KMO: variants seen among roughly 807,000 people sequenced by gnomAD.
The protein encoded by KMO is kynurenine 3-hydroxylase.
Under a neutral mutation model 57.8 loss-of-function variants are expected in KMO, and 24 were observed. The observed-to-expected ratio is 0.42, with a 90% confidence interval of 0.30 to 0.58. The LOEUF (loss-of-function observed/expected upper bound fraction) is 0.58, where lower values mean the gene tolerates loss of function less well. Ranked by LOEUF, KMO falls within the 20% of genes least tolerant of loss-of-function variation. The pLI is 0.22. For synonymous variants in KMO, 210 were observed against 193.6 expected (o/e 1.08, Z -0.70); for missense variants, 483 against 588.2 (o/e 0.82, Z 1.85).
At position 241,590,073 on chromosome 1, in the gene KMO, A is replaced by G; in HGVS notation, c.1160A>G (p.His387Arg). The G allele has an allele frequency of 6.2e-7, 1 of 1,614,070 alleles. No individual in the cohort carries two copies. The highest frequency in any genetic ancestry group is 8.5e-7 in the Non-Finnish European group (1 of 1,179,910). ...CAGAAGAACATGGAGAGATTTCTTCATGCGATTATGCCATCGACCTTTATC... is the reference window on the plus strand; with the variant it reads ...CAGAAGAACATGGAGAGATTTCTTCGTGCGATTATGCCATCGACCTTTATC... ...IFQKNMERFLHAIMPSTFIPL... is the reference protein window; with the variant it reads ...IFQKNMERFLRAIMPSTFIPL... The change falls in exon 13 of 15, where the codon CAT becomes CGT. Residue 387 changes from histidine to arginine, a missense_variant. By Grantham distance (29) the His-to-Arg change is conservative. Transcript: ENST00000366559.
At chr1:241,533,912 G>A (rs903086736) in intron 1 of KMO, among the ~76,000 whole-genome samples, 5 of 152,196 alleles carry the variant, frequency 3.3e-5, no homozygotes, top group African/African-American at 1.2e-4. Context: ...TCTTGAGAAA[G>A]AGCATTTCAG....
At chr1:241,580,685 G>A (rs889651982) in intron 10 of KMO, among the ~76,000 whole-genome samples, 2 of 151,820 alleles carry the variant, frequency 1.3e-5, no homozygotes, top group African/African-American at 4.8e-5. Context: ...TTTATTTCTA[G>A]TTTCATCTCA....
chr1:241,560,163 T>C (rs1477031767), intron 5 of KMO, among the ~76,000 whole-genome samples: 1 of 152,184 alleles, frequency 6.6e-6, no homozygotes, highest in Non-Finnish European at 1.5e-5. Flanking sequence ...TTACTCATTT[T>C]CCCCCTAACT....
chr1:241,545,925 AAAG>A (rs1362577776), intron 1 of KMO, among the ~76,000 whole-genome samples: 1 of 152,220 alleles, frequency 6.6e-6, no homozygotes, highest in East Asian at 1.9e-4. Flanking sequence ...ACAATGGCTA[AAAG>A]AAGGATAGCA....
chr1:241,532,559 A>G, intron 1 of KMO, 61 bp downstream of exon 1: 3 of 1,234,222 alleles, frequency 2.4e-6, no homozygotes, highest in Non-Finnish European at 3.4e-6. Flanking sequence ...TATTACTCGT[A>G]ATGATTATTA....
At chr1:241,587,933 T>C (rs886959237) in intron 11 of KMO, among the ~76,000 whole-genome samples, 15 of 152,128 alleles carry the variant, frequency 9.9e-5, no homozygotes, top group African/African-American at 3.6e-4. Context: ...AAGAACTGGA[T>C]AACCTTTTCC....
rs1661582899 is a variant in KMO at position 241,555,612 on chromosome 1, T to A, written c.313T>A (p.Tyr105Asn). The A allele has an allele frequency of 6.5e-7, 1 of 1,537,068 alleles. No homozygotes were observed. The highest frequency in any genetic ancestry group is 1.4e-5 in the African/African-American group (1 of 73,388). The change falls in exon 5 of 15, where the codon TAT (tyrosine) becomes AAT (asparagine). Residue 105 changes from tyrosine to asparagine, a missense_variant and splice_region_variant. Coordinates refer to ENST00000366559, the MANE Select transcript of KMO (RefSeq NM_003679.5). ...SAIPYGTKSQ[Y>N]ILSVSRENLN... The stretch of plus-strand genomic sequence containing the variant: ...AGTATCTACTCTACTTTTCTTGCAG[T>A]ATATTCTTTCTGTAAGCAGAGAAAA...
chr1:241,539,415 T>TC (rs1220225868), intron 1 of KMO, among the ~76,000 whole-genome samples: 6 of 146,636 alleles, frequency 4.1e-5, no homozygotes, highest in African/African-American at 1.6e-4. Flanking sequence ...AATAGCTACT[T>TC]CACCCTTGAA....
intron 9 of KMO, 113 bp from the exon 10 acceptor site, chr1:241,568,387 A>T (rs1270882896): frequency 6.7e-6 from 7 of 1,044,218 alleles, no homozygotes; most frequent in Non-Finnish European, 1.0e-5. Context: ...TCTTCTTGGC[A>T]TTCTTGTTTT....
At chr1:241,538,514 A>C (rs1660828772) in intron 1 of KMO, among the ~76,000 whole-genome samples, 1 of 152,234 alleles carries the variant, frequency 6.6e-6, no homozygotes, top group East Asian at 1.9e-4. Flanking sequence ...GATTAGATGT[A>C]TATTGTTTGG....
intron 12 of KMO, among the ~76,000 whole-genome samples, chr1:241,589,496 T>C (rs1054998729): frequency 6.6e-6 from 1 of 152,200 alleles, no homozygotes; most frequent in African/African-American, 2.4e-5. Flanking sequence ...TGAGCAAAAT[T>C]GCATCAGATG....
At chr1:241,538,319 C>G (rs1292695401) in intron 1 of KMO, among the ~76,000 whole-genome samples, 1 of 152,130 alleles carries the variant, frequency 6.6e-6, no homozygotes, top group Non-Finnish European at 1.5e-5. Context: ...TATCCTTACT[C>G]CATAGTAATA....
intron 6 of KMO, among the ~76,000 whole-genome samples, chr1:241,560,966 C>T (rs561049605): frequency 3.9e-5 from 6 of 152,302 alleles, no homozygotes; most frequent in East Asian, 3.9e-4. Context: ...CACACTTGCT[C>T]ACCTTCCTAC....
rs1412542390 is a variant in KMO at position 241,592,136 on chromosome 1, A to G, written c.1444A>G (p.Asn482Asp). Reference protein sequence around the residue: ...KAVDSLEQISNLISR With the variant: ...KAVDSLEQISDLISR The stretch of plus-strand genomic sequence containing the variant: ...CGTGGACTCCCTAGAACAAATTTCC[A>G]ATCTCATTAGCAGGTGATAGAAAGG... Residue 482 changes from asparagine to aspartate, a missense_variant, in exon 15 of 15, where the codon AAT (asparagine) becomes GAT (aspartate). Asn to Asp is a conservative substitution (Grantham distance 23, BLOSUM62 1). Transcript: ENST00000366559. The G allele has an allele frequency of 6.2e-7, 1 of 1,613,576 alleles. No homozygotes were observed. The highest frequency in any genetic ancestry group is 8.5e-7 in the Non-Finnish European group (1 of 1,179,834).
rs1454370889 is a variant in KMO at position 241,592,201 on chromosome 1, T to A, written c.*48T>A. 5.6e-6 allele frequency: 8 copies of A among 1,433,298 alleles called. No individual in the cohort carries two copies. The highest frequency in any genetic ancestry group is 2.8e-5 in the African/African-American group (2 of 70,902). 88.8% of individuals were successfully genotyped at this position (1,433,298 alleles called of 1,614,324 possible). A position where few individuals can be genotyped will look rare whatever the true frequency, so the allele number is the denominator to read the frequency against. On this transcript the variant is annotated 3_prime_UTR_variant, in exon 15 of 15. Transcript: ENST00000366559. Reference sequence around the variant, plus strand: ...ATGCATGATTTCTCTGTGACCAAAATTAAGCATGAAAAAAATGTTTCCATT... The same window carrying A: ...ATGCATGATTTCTCTGTGACCAAAAATAAGCATGAAAAAAATGTTTCCATT...
chr1:241,567,448 A>G (rs1033279134), intron 9 of KMO, among the ~76,000 whole-genome samples: 1 of 151,940 alleles, frequency 6.6e-6, no homozygotes, highest in Admixed American at 6.6e-5. Flanking sequence ...TGGGGGGTCC[A>G]CTCCCAAGAC....
At chr1:241,586,115 G>T (rs1380576814) in intron 10 of KMO, among the ~76,000 whole-genome samples, 1 of 150,692 alleles carries the variant, frequency 6.6e-6, no homozygotes, top group Non-Finnish European at 1.5e-5. Flanking sequence ...GTAAAATCTT[G>T]GTCGAATTTC....
chr1:241,568,218 A>C (rs1244978398), intron 9 of KMO, among the ~76,000 whole-genome samples: 1 of 152,214 alleles, frequency 6.6e-6, no homozygotes, highest in East Asian at 1.9e-4. Context: ...GGTGCATGAT[A>C]ACAAAGTTTT....
chr1:241,587,146 G>T (rs1275400072), intron 11 of KMO, among the ~76,000 whole-genome samples: 1 of 152,178 alleles, frequency 6.6e-6, no homozygotes, highest in African/African-American at 2.4e-5. Context: ...GGTGGGGGGA[G>T]ATGGTTTCAG....
Sources: gnomAD v4.1 joint callset for allele counts (sites outside exome capture counted in the v4.1 genomes callset) on GRCh38, gnomAD v4.1.1 for gene constraint, MANE v1.5 for transcripts, NCBI Gene and HGNC (gene_info 2026-07-23, HGNC 2026-07-21) for gene names.